AGPAT3: variants seen among roughly 807,000 people sequenced by gnomAD.
The protein encoded by AGPAT3 is 1-acylglycerol-3-phosphate O-acyltransferase 3.
Under a neutral mutation model 47.3 loss-of-function variants are expected in AGPAT3, and 5 were observed. The ratio of observed to expected loss-of-function variants is 0.11; its 90% confidence interval spans 0.06 to 0.22. AGPAT3 has a LOEUF of 0.22. AGPAT3 is among the 10% of genes least tolerant of loss of function. AGPAT3 has a pLI of 1.00. For missense variants in AGPAT3, 315 were observed against 493.0 expected, an observed-to-expected ratio of 0.64 and a Z score of 3.42; for synonymous variants, 212 against 208.3, an observed-to-expected ratio of 1.02 and a Z score of -0.15.
At chr21:43,874,792 A>C (rs1180570886) in intron 1 of AGPAT3, among the ~76,000 whole-genome samples, 6 of 152,152 alleles carry the variant, frequency 3.9e-5, no homozygotes, top group Non-Finnish European at 8.8e-5. Context: ...CTGAAGATAA[A>C]GTATCATGTC....
At chr21:43,895,809 T>C (rs1271774643) in intron 1 of AGPAT3, among the ~76,000 whole-genome samples, 1 of 151,846 alleles carries the variant, frequency 6.6e-6, no homozygotes, top group Non-Finnish European at 1.5e-5. Flanking sequence ...CTCTGTTGCC[T>C]AGGCCGGAGT....
chr21:43,943,922 C>G (rs565187559), intron 2 of AGPAT3, among the ~76,000 whole-genome samples: 1 of 152,218 alleles, frequency 6.6e-6, no homozygotes, highest in African/African-American at 2.4e-5. Context: ...CCCGCCGCAT[C>G]TTTCACCTGG....
intron 7 of AGPAT3, among the ~76,000 whole-genome samples, chr21:43,973,452 T>C (rs910099036): frequency 6.6e-6 from 1 of 152,188 alleles, no homozygotes; most frequent in Non-Finnish European, 1.5e-5. Flanking sequence ...TGGTTAGTGG[T>C]GGCTTGAGGC....
chr21:43,946,244 C>T (rs189209095), intron 2 of AGPAT3, among the ~76,000 whole-genome samples: 5 of 152,326 alleles, frequency 3.3e-5, no homozygotes, highest in Admixed American at 2.6e-4. Flanking sequence ...AAGCTCTGTA[C>T]ATCCCCAGCA....
intron 1 of AGPAT3, 34 bp downstream of exon 1, chr21:43,865,379 G>GC (rs979442039): frequency 2.0e-5 from 3 of 146,438 alleles, no homozygotes; most frequent in Non-Finnish European, 4.6e-5. Flanking sequence ...AGGTCGGGCC[G>GC]CCCCCCTCTT....
chr21:43,865,863 G>T lies in AGPAT3; in HGVS notation c.-112+518G>T, dbSNP rs374944576. Among the ~76,000 whole-genome samples, 105 of 152,112 alleles carry T rather than the reference G, an allele frequency of 6.9e-4. 3 individuals carry two copies. The East Asian group carries it at 0.016, about 23-fold the overall frequency. On this transcript the variant is annotated intron_variant, in intron 1 of 9. Transcript: ENST00000291572. ...CCCCCCAGGGGCCTCCTCCTCGCGC[G>T]CCCAGGCCAAGGGAGCAGTTTCACT...
At chr21:43,886,812 G>A (rs548553313) in intron 1 of AGPAT3, among the ~76,000 whole-genome samples, 25 of 152,274 alleles carry the variant, frequency 1.6e-4, no homozygotes, top group African/African-American at 5.8e-4. Flanking sequence ...ACTCCATTGT[G>A]TATAAGAACC....
rs745809159 is a variant in AGPAT3 at position 43,922,107 on chromosome 21, CT to C, written c.-49+18094del. Among the ~76,000 whole-genome samples, 10 of 152,076 alleles carry C rather than the reference CT, an allele frequency of 6.6e-5. No homozygotes were observed. The highest frequency in any genetic ancestry group is 1.3e-4 in the Admixed American group (2 of 15,276). The stretch of plus-strand genomic sequence containing the variant: ...GATTTTTTATAATGGAAAAGGTTTC[CT>C]TTTTTGGAAGTCACCTGGGGACGGG... On this transcript the variant is annotated intron_variant, in intron 2 of 9. Coordinates refer to ENST00000291572, the MANE Select transcript of AGPAT3 (RefSeq NM_020132.5). The surrounding 1 kb of genome is among the most constrained non-coding windows in gnomAD (Gnocchi z 4.9).
intron 2 of AGPAT3, among the ~76,000 whole-genome samples, chr21:43,950,241 C>T (rs903785009): frequency 6.6e-6 from 1 of 152,242 alleles, no homozygotes; most frequent in Admixed American, 6.5e-5. Flanking sequence ...ACTCTAGTTC[C>T]TGTTGTAGTA....
chr21:43,866,496 C>T (rs1304424023), intron 1 of AGPAT3: 1 of 152,198 alleles, frequency 6.6e-6, no homozygotes, highest in Non-Finnish European at 1.5e-5. Context: ...TGCTGAACTT[C>T]GTCTTCTCAG....
At chr21:43,883,583 T>G (rs1011121357) in intron 1 of AGPAT3, among the ~76,000 whole-genome samples, 1 of 152,112 alleles carries the variant, frequency 6.6e-6, no homozygotes, top group Non-Finnish European at 1.5e-5. Context: ...AGTATTCCGT[T>G]TTTTTGTTTT....
chr21:43,970,613 G>A lies in AGPAT3; in HGVS notation c.511-40G>A, dbSNP rs761443184. On this transcript the variant is annotated intron_variant, in intron 5 of 9. Transcript: ENST00000291572. The surrounding 1 kb of genome is among the most constrained non-coding windows in gnomAD (Gnocchi z 5.8). ...CTGGCCTGGACATGCACCCACCCCA[G>A]CTGCTCTGTGGAGTGACCCTGTCTC... The A allele has an allele frequency of 4.4e-6, 7 of 1,607,562 alleles. No homozygotes were observed. Among genetic ancestry groups the A allele is most frequent in the Middle Eastern group, 1.7e-4 (1 of 5,940 alleles).
At position 43,968,010 on chromosome 21, in the gene AGPAT3, G is replaced by C; in HGVS notation, c.243G>C (p.Thr81=). 1 of 1,613,938 alleles carries C rather than the reference G, an allele frequency of 6.2e-7. No homozygotes were observed. Among genetic ancestry groups the C allele is most frequent in the Middle Eastern group, 1.6e-4 (1 of 6,062 alleles). The part of the protein sequence containing the change: ...TECTLFTDQA[T]VERFGKEHAV... ...GTACACTGTTCACGGACCAGGCCACGGTAGAGCGCTTTGGGAAGGAGCACG... is the reference window on the plus strand; with the variant it reads ...GTACACTGTTCACGGACCAGGCCACCGTAGAGCGCTTTGGGAAGGAGCACG... The change falls in exon 4 of 10, where the codon ACG becomes ACC. Residue 81 remains threonine (T), a synonymous_variant. Coordinates refer to ENST00000291572, the MANE Select transcript of AGPAT3 (RefSeq NM_020132.5).
At chr21:43,964,022 A>C (rs2838453) in intron 3 of AGPAT3, among the ~76,000 whole-genome samples, 32,312 of 152,068 alleles carry the variant, frequency 0.21, 4,039 homozygotes, top group African/African-American at 0.35. Flanking sequence ...AAAGTAGGGT[A>C]TAATTTTCAA....
At position 43,970,805 on chromosome 21, in the gene AGPAT3, A is replaced by G; in HGVS notation, c.663A>G (p.Thr221=). The G allele has an allele frequency of 6.4e-7, 1 of 1,573,920 alleles. No homozygotes were observed. Among genetic ancestry groups the G allele is most frequent in the Non-Finnish European group, 8.7e-7 (1 of 1,154,186 alleles). ...CCGCAGTCAAGTGCCTCCGGGGGAC[A>G]GGTAGGCCCCAGACTGCCCGAGCCG... ...FTTAVKCLRG[T]VAAVYDVTLN... Residue 221 remains threonine (T), a splice_region_variant and synonymous_variant, in exon 6 of 10, where the codon ACA becomes ACG. Transcript: ENST00000291572. This position sits in a 1 kb window ranked among gnomAD's most constrained non-coding sequence, Gnocchi z 5.8.
chr21:43,872,639 T>C (rs529555978), intron 1 of AGPAT3, among the ~76,000 whole-genome samples: 4 of 152,354 alleles, frequency 2.6e-5, no homozygotes, highest in South Asian at 2.1e-4. Context: ...ATTCACGTCA[T>C]GTGGGAGTGG....
Position 43,967,941 on chromosome 21 carries a change from C to T in AGPAT3, c.179-5C>T, listed in dbSNP as rs776526529. The stretch of plus-strand genomic sequence containing the variant: ...CCAGTGCCAACGCCCTCCCCCTGTC[C>T]GCAGAACTGGTCATGCTGCTGGAGT... On this transcript the variant is annotated splice_polypyrimidine_tract_variant and splice_region_variant and intron_variant, in intron 3 of 9. Transcript: ENST00000291572. 18 of 1,613,360 alleles carry T rather than the reference C, an allele frequency of 1.1e-5. No individual in the cohort carries two copies. Among genetic ancestry groups the T allele is most frequent in the South Asian group, 7.7e-5 (7 of 91,024 alleles).
At chr21:43,926,231 C>T (rs907228524) in intron 2 of AGPAT3, among the ~76,000 whole-genome samples, 2 of 152,186 alleles carry the variant, frequency 1.3e-5, no homozygotes, top group East Asian at 3.8e-4. Context: ...GACATGGACT[C>T]CAGCTCCTCA....
intron 1 of AGPAT3, among the ~76,000 whole-genome samples, chr21:43,898,183 A>C (rs2086272774): frequency 6.6e-6 from 1 of 152,218 alleles, no homozygotes; most frequent in African/African-American, 2.4e-5. Context: ...ACAACTAAAA[A>C]AATTTAACTG....
Sources: gnomAD v4.1 joint callset for allele counts (sites outside exome capture counted in the v4.1 genomes callset) on GRCh38, gnomAD v4.1.1 for gene constraint, Gnocchi (gnomAD v3.1) non-coding constraint, MANE v1.5 for transcripts, NCBI Gene and HGNC (gene_info 2026-07-23, HGNC 2026-07-21) for gene names.